The following ZNF215 variants were observed in gnomAD, a reference collection of about 807,000 sequenced individuals.
The protein encoded by ZNF215 is zinc finger protein 215.
ZNF215 carries 24 observed loss-of-function variants against 27.2 expected under a neutral mutation model. The observed-to-expected ratio is 0.88, with a 90% CI of 0.64 to 1.24. ZNF215 has a LOEUF of 1.24. Among genes scored for constraint, ZNF215 ranks in the 50% most tolerant of loss-of-function variants. The pLI, the probability that ZNF215 is intolerant of heterozygous loss-of-function variation, is 0.00. For missense variants in ZNF215, 675 were observed against 605.7 expected (o/e 1.11, Z -1.20); for synonymous variants, 210 against 204.0 (o/e 1.03, Z -0.25).
intron 6 of ZNF215, among the ~76,000 whole-genome samples, chr11:6,953,042 T>G (rs1186153851): frequency 6.6e-6 from 1 of 152,212 alleles, no homozygotes; most frequent in African/African-American, 2.4e-5. Context: ...TTCTTTTGTT[T>G]AAGAATGTTG....
chr11:6,971,188 G>A (rs575534738), intron 5 of ZNF215, among the ~76,000 whole-genome samples: 2 of 152,124 alleles, frequency 1.3e-5, no homozygotes, highest in South Asian at 4.1e-4. Flanking sequence ...TAACTAATAA[G>A]GATCGTCTCT....
At chr11:6,987,044 A>G (rs1013839035), downstream of ZNF215, among the ~76,000 whole-genome samples, 3 of 152,172 alleles carry the variant, frequency 2.0e-5, no homozygotes, top group Admixed American at 2.0e-4. Flanking sequence ...GTACATACAC[A>G]AAAGAAAATA....
At chr11:6,963,512 A>G (rs1322764500) in intron 5 of ZNF215, among the ~76,000 whole-genome samples, 1 of 152,114 alleles carries the variant, frequency 6.6e-6, no homozygotes, top group African/African-American at 2.4e-5. Context: ...TTATTCATAT[A>G]TATAGGAATA....
intron 5 of ZNF215, among the ~76,000 whole-genome samples, chr11:6,982,846 A>G (rs1164209405): frequency 6.6e-6 from 1 of 152,048 alleles, no homozygotes; most frequent in African/African-American, 2.4e-5. Flanking sequence ...CAATTAAAAG[A>G]ACTAGAAAAG....
At chr11:6,972,364 A>G (rs1410043314) in intron 5 of ZNF215, among the ~76,000 whole-genome samples, 2 of 151,870 alleles carry the variant, frequency 1.3e-5, no homozygotes, top group African/African-American at 4.8e-5. Context: ...AATTTGGCCC[A>G]CATAATTCAT....
At chr11:6,942,932 C>T in intron 4 of ZNF215, 151 bp from the exon 5 acceptor site, 1 of 1,213,452 alleles carries the variant, frequency 8.2e-7, no homozygotes, top group South Asian at 1.7e-5. Context: ...ATTTGATTTT[C>T]ATCACTTAGA....
At chr11:6,942,592 T>A (rs1849666557) in intron 4 of ZNF215, among the ~76,000 whole-genome samples, 1 of 152,152 alleles carries the variant, frequency 6.6e-6, no homozygotes, top group African/African-American at 2.4e-5. Flanking sequence ...GCCCATTTGA[T>A]GAGTGACATT....
downstream of ZNF215, among the ~76,000 whole-genome samples, chr11:6,959,651 A>G (rs997525904): frequency 3.3e-5 from 5 of 152,240 alleles, no homozygotes; most frequent in Non-Finnish European, 5.9e-5. Context: ...GAATGAGAAG[A>G]CTACTATAGA....
At chr11:6,983,152 A>G (rs1850994806) in intron 5 of ZNF215, among the ~76,000 whole-genome samples, 2 of 152,212 alleles carry the variant, frequency 1.3e-5, no homozygotes, top group African/African-American at 4.8e-5. Context: ...AAACTAGAAA[A>G]TCTAGAAGAA....
At chr11:6,989,432 G>A (rs774352605), downstream of ZNF215, among the ~76,000 whole-genome samples, 1 of 152,046 alleles carries the variant, frequency 6.6e-6, no homozygotes, top group Non-Finnish European at 1.5e-5. Flanking sequence ...ATACTACTAG[G>A]CCCTAGTGGA....
chr11:6,948,757 TTTA>T (rs556259401), intron 6 of ZNF215, among the ~76,000 whole-genome samples: 33 of 152,180 alleles, frequency 2.2e-4, no homozygotes, highest in Admixed American at 5.2e-4. Context: ...TTATTTTTAT[TTTA>T]TTATTATTAT....
chr11:6,933,179 A>T (rs772797712), intron 3 of ZNF215, among the ~76,000 whole-genome samples: 16 of 152,254 alleles, frequency 1.1e-4, no homozygotes, highest in South Asian at 2.1e-4. Flanking sequence ...CTATTGTGAT[A>T]GATTAGGTGT....
In ZNF215 at chr11:6,949,265, G is replaced by T. The variant is rs576338212; in HGVS notation, c.712+5624G>T. Among the ~76,000 whole-genome samples, 3 of 152,274 alleles carry T rather than the reference G, an allele frequency of 2.0e-5. No individual in the cohort carries two copies. In the South Asian group the frequency reaches 6.2e-4, roughly 32 times the overall value. ...TTATAATCCTTTGGGTATATTCCCA[G>T]TAATGGGATGGCTGGGTCAAATGGT... On this transcript the variant is annotated intron_variant, in intron 6 of 6. Transcript: ENST00000278319.
rs755380132 is a variant in ZNF215 at position 6,956,479 on chromosome 11, G to T, written c.1502G>T (p.Arg501Met). The T allele has an allele frequency of 6.2e-7, 1 of 1,612,398 alleles. No homozygotes were observed. Among genetic ancestry groups the T allele is most frequent in the Non-Finnish European group, 8.5e-7 (1 of 1,179,588 alleles). The change falls in exon 7 of 7, where the codon AGG becomes ATG. Residue 501 changes from arginine to methionine, a missense_variant. By Grantham distance (91) the Arg-to-Met change is moderately conservative (BLOSUM62 -1). Coordinates refer to ENST00000278319, the MANE Select transcript of ZNF215 (RefSeq NM_013250.4). The part of the protein sequence containing the change: ...KCKECSKAFN[R>M]SSNLVKHQKL... Reference sequence around the variant, plus strand: ...AAGGAATGTAGTAAAGCCTTCAACAGGAGTTCAAACCTTGTTAAACATCAA... The same window carrying T: ...AAGGAATGTAGTAAAGCCTTCAACATGAGTTCAAACCTTGTTAAACATCAA...
downstream of ZNF215, among the ~76,000 whole-genome samples, chr11:6,962,403 G>A (rs1366733729): frequency 6.6e-6 from 1 of 152,064 alleles, no homozygotes; most frequent in African/African-American, 2.4e-5. Context: ...AGTGGAGAGT[G>A]GATCTAGAAG....
Position 6,956,940 on chromosome 11 carries a change from A to G in ZNF215, c.*409A>G. On this transcript the variant is annotated 3_prime_UTR_variant, in exon 7 of 7. Coordinates refer to ENST00000278319, the MANE Select transcript of ZNF215 (RefSeq NM_013250.4). ...ATATTTAATAAAACTCAGCCCTTTT[A>G]AGAAGGTCACAAGAAATCATTAGCT... The G allele has an allele frequency of 1.0e-6, 1 of 991,996 alleles. No individual in the cohort carries two copies. Among genetic ancestry groups the G allele is most frequent in the Non-Finnish European group, 1.2e-6 (1 of 833,802 alleles). 61.4% of individuals were successfully genotyped at this position (991,996 alleles called of 1,614,324 possible).
At chr11:6,962,193 G>A (rs1433508408), downstream of ZNF215, among the ~76,000 whole-genome samples, 1 of 152,148 alleles carries the variant, frequency 6.6e-6, no homozygotes, top group East Asian at 1.9e-4. Flanking sequence ...GCCTGAAAAG[G>A]CAAGACAAAG....
downstream of ZNF215, among the ~76,000 whole-genome samples, chr11:6,992,772 A>T (rs1851129494): frequency 6.6e-6 from 1 of 152,168 alleles, no homozygotes; most frequent in Admixed American, 6.5e-5. Context: ...GGGACATCTG[A>T]CCCAGGTTAA....
chr11:6,978,891 T>C (rs1850887085), intron 5 of ZNF215, among the ~76,000 whole-genome samples: 2 of 152,128 alleles, frequency 1.3e-5, no homozygotes, highest in South Asian at 4.1e-4. Flanking sequence ...ATTAGTTGAA[T>C]TATAAGATGA....
Sources: gnomAD v4.1 joint callset for allele counts (sites outside exome capture counted in the v4.1 genomes callset) on GRCh38, gnomAD v4.1.1 for gene constraint, MANE v1.5 for transcripts, NCBI Gene and HGNC (gene_info 2026-07-23, HGNC 2026-07-21) for gene names.